STK32A: variants seen among roughly 807,000 people sequenced by gnomAD.
STK32A encodes serine/threonine-protein kinase 32A.
A neutral mutation model predicts 53.2 loss-of-function variants in STK32A; 41 were observed. That is an observed-to-expected ratio of 0.77 (90% CI 0.60 to 1.00). The LOEUF (loss-of-function observed/expected upper bound fraction) is 1.00. STK32A is among the 50% of genes least tolerant of loss of function. The pLI is 0.00. For missense variants in STK32A, 458 were observed against 485.8 expected (o/e 0.94, Z 0.54); for synonymous variants, 166 against 162.8 (o/e 1.02, Z -0.15).
chr5:147,334,119 A>T (rs1755003475), intron 5 of STK32A, among the ~76,000 whole-genome samples: 1 of 152,204 alleles, frequency 6.6e-6, no homozygotes, highest in African/African-American at 2.4e-5. Flanking sequence ...AGGAAATTAG[A>T]AGTGAGGAGT....
intron 4 of STK32A, among the ~76,000 whole-genome samples, chr5:147,303,785 T>C (rs1224681541): frequency 6.6e-6 from 1 of 152,208 alleles, no homozygotes; most frequent in African/African-American, 2.4e-5. Context: ...TGTTTTGGCA[T>C]ATGACCCTGA....
At chr5:147,370,505 C>A (rs747888150) in intron 8 of STK32A, 149 bp from the exon 9 acceptor site, 2 of 467,164 alleles carry the variant, frequency 4.3e-6, no homozygotes, top group Non-Finnish European at 7.8e-6. Context: ...GGACCACCTA[C>A]ACATATGGCA....
intron 2 of STK32A, among the ~76,000 whole-genome samples, chr5:147,254,840 G>C (rs1021682790): frequency 1.4e-4 from 22 of 152,134 alleles, no homozygotes; most frequent in African/African-American, 5.1e-4. Flanking sequence ...AGGAAGTTAC[G>C]TTTAAAAGTA....
At chr5:147,401,094 G>C in the STK32A span, among the ~76,000 whole-genome samples, 1 of 152,180 alleles carries the variant, frequency 6.6e-6, no homozygotes, top group African/African-American at 2.4e-5. Context: ...GCAATGTCAT[G>C]ATCCTATATG....
At chr5:147,335,902 TAA>T (rs1755095923) in intron 5 of STK32A, among the ~76,000 whole-genome samples, 1 of 152,154 alleles carries the variant, frequency 6.6e-6, no homozygotes. Context: ...AAATGATGAT[TAA>T]GAGAATGAAG....
At chr5:147,397,685 C>T in the STK32A span, 6 of 1,613,868 alleles carry the variant, frequency 3.7e-6, no homozygotes, top group East Asian at 2.2e-5. Context: ...TGCTTTAATG[C>T]GCTTGTAGAC....
chr5:147,300,971 C>G (rs1375524675), intron 4 of STK32A, among the ~76,000 whole-genome samples: 1 of 152,192 alleles, frequency 6.6e-6, no homozygotes, highest in East Asian at 1.9e-4. Context: ...TTCCCCTTCA[C>G]CCTCTGAAGG....
intron 4 of STK32A, 100 bp downstream of exon 4, chr5:147,279,498 C>A: frequency 1.9e-6 from 2 of 1,061,566 alleles, no homozygotes; most frequent in Non-Finnish European, 2.7e-6. Context: ...TGGCTGGTAT[C>A]CAGGCTCTTG....
intron 2 of STK32A, among the ~76,000 whole-genome samples, chr5:147,268,882 G>A (rs1360143704): frequency 2.0e-5 from 3 of 152,198 alleles, no homozygotes; most frequent in East Asian, 3.9e-4. Context: ...TGCATAAGAA[G>A]AGGAGAAGCA....
chr5:147,246,620 G>A (rs529154882), intron 2 of STK32A, among the ~76,000 whole-genome samples: 16 of 152,118 alleles, frequency 1.1e-4, no homozygotes, highest in Non-Finnish European at 1.5e-4. Context: ...GATTATAATC[G>A]TATCTACTCT....
chr5:147,376,177 G>A (rs1010944881), intron 11 of STK32A, among the ~76,000 whole-genome samples: 2 of 152,044 alleles, frequency 1.3e-5, no homozygotes, highest in African/African-American at 4.8e-5. Flanking sequence ...AGTAGTCAGG[G>A]GCCACTATAT....
At position 147,344,284 on chromosome 5, in the gene STK32A, T is replaced by C. The variant is rs572870008; in HGVS notation, c.472+1241T>C. 2.8e-4 allele frequency among the ~76,000 whole-genome samples: 43 copies of C among 152,346 alleles called. No individual in the cohort carries two copies. In the South Asian group the frequency reaches 8.3e-3, roughly 29 times the overall value. On this transcript the variant is annotated intron_variant, in intron 6 of 12. Coordinates refer to ENST00000397936, the MANE Select transcript of STK32A (RefSeq NM_001112724.2). ...CTGTGCTCAGGGGGCTAAGAAACAC[T>C]GGTAATGACCTCTAATTTCAAAGCT...
chr5:147,261,365 AT>A (rs1346931325), intron 2 of STK32A, among the ~76,000 whole-genome samples: 1 of 152,174 alleles, frequency 6.6e-6, no homozygotes, highest in Non-Finnish European at 1.5e-5. Flanking sequence ...CTTATCTCTG[AT>A]GCATGTGGCC....
rs1370338042 is a variant in STK32A at position 147,384,359 on chromosome 5, C to G, written c.*376C>G. The G allele has an allele frequency of 4.6e-6, 7 of 1,514,298 alleles. No individual in the cohort carries two copies. The highest frequency in any genetic ancestry group is 6.2e-6 in the Non-Finnish European group (7 of 1,135,296). The allele number at this position is 1,514,298 out of a possible 1,614,324, so 93.8% of individuals were successfully genotyped here. A position where few individuals can be genotyped will look rare whatever the true frequency, so the allele number is the denominator to read the frequency against. On this transcript the variant is annotated 3_prime_UTR_variant, in exon 13 of 13. Transcript: ENST00000397936. ...ATGAATATAGATTTATTTTTCCACT[C>G]CTTCTAATTATGCAGTGACAAATGG... is the stretch of plus-strand genomic sequence containing the variant.
intron 2 of STK32A, 149 bp from the exon 3 acceptor site, chr5:147,277,975 T>G: frequency 1.5e-6 from 1 of 654,378 alleles, no homozygotes; most frequent in Non-Finnish European, 2.7e-6. Context: ...GTTCAACAGA[T>G]GTTTACTGGA....
chr5:147,304,318 G>T (rs970510493), intron 4 of STK32A, among the ~76,000 whole-genome samples: 1 of 152,194 alleles, frequency 6.6e-6, no homozygotes, highest in Non-Finnish European at 1.5e-5. Context: ...AAGCAACTTA[G>T]ATGATCATGT....
intron 9 of STK32A, among the ~76,000 whole-genome samples, chr5:147,371,489 G>A (rs1295142804): frequency 6.6e-6 from 1 of 151,678 alleles, no homozygotes; most frequent in Non-Finnish European, 1.5e-5. Flanking sequence ...CTCACCACAG[G>A]ACCTTTGCAC....
At chr5:147,372,269 C>CTTGTTTTTT (rs1757035244) in intron 9 of STK32A, among the ~76,000 whole-genome samples, 1 of 49,332 alleles carries the variant, frequency 2.0e-5, no homozygotes, top group African/African-American at 8.1e-5. Flanking sequence ...TGGGCTTGGC[C>CTTGTTTTTT]TTTTTTTTTT....
chr5:147,380,040 C>A (rs1045256611), intron 11 of STK32A, among the ~76,000 whole-genome samples: 1 of 152,040 alleles, frequency 6.6e-6, no homozygotes, highest in Non-Finnish European at 1.5e-5. Flanking sequence ...GTAATGGGGT[C>A]TGAAGTGTCA....
Sources: gnomAD v4.1 joint callset for allele counts (sites outside exome capture counted in the v4.1 genomes callset) on GRCh38, gnomAD v4.1.1 for gene constraint, MANE v1.5 for transcripts, NCBI Gene and HGNC (gene_info 2026-07-23, HGNC 2026-07-21) for gene names.